Variants in IKBKE observed in about 807,000 individuals in gnomAD.
The protein encoded by IKBKE is inhibitor of nuclear factor kappa-B kinase subunit epsilon.
Under a neutral mutation model 92.1 loss-of-function variants are expected in IKBKE, and 45 were observed. The ratio of observed to expected loss-of-function variants is 0.49; its 90% CI spans 0.38 to 0.63. IKBKE has a LOEUF of 0.63. Ranked by LOEUF, IKBKE falls within the 20% of genes least tolerant of loss-of-function variation. The pLI is 0.00. For missense variants in IKBKE, 700 were observed against 932.8 expected, an observed-to-expected ratio of 0.75 and a Z score of 3.25; for synonymous variants, 374 against 380.3, an observed-to-expected ratio of 0.98 and a Z score of 0.19.
chr1:206,493,032 C>A lies in IKBKE; in HGVS notation c.1845C>A (p.His615Gln). The A allele has an allele frequency of 6.4e-7, 1 of 1,570,530 alleles. No individual in the cohort carries two copies. The highest frequency in any genetic ancestry group is 8.6e-7 in the Non-Finnish European group (1 of 1,157,034). The stretch of plus-strand genomic sequence containing the variant: ...TGTGTGTTCTCTTGAGGGTGGTGCA[C>A]GAGACCAGGAACCACCTGCGCCTGG... The part of the protein sequence containing the change: ...VTHGKRMRVV[H>Q]ETRNHLRLVG... Residue 615 changes from histidine (H) to glutamine (Q), a missense_variant, in exon 19 of 22, where the codon CAC (histidine) becomes CAA (glutamine). Transcript: ENST00000581977.
chr1:206,473,388 A>G, intron 3 of IKBKE, 74 bp downstream of exon 3: 1 of 1,093,568 alleles, frequency 9.1e-7, no homozygotes, highest in Non-Finnish European at 1.4e-6. Flanking sequence ...TGGCCCAGTC[A>G]GCCCCCAGTG....
chr1:206,475,520 A>C (rs1176008408), intron 5 of IKBKE, among the ~76,000 whole-genome samples: 1 of 152,100 alleles, frequency 6.6e-6, no homozygotes, highest in African/African-American at 2.4e-5. Flanking sequence ...GGATCATTTG[A>C]GGTTGGGGGT....
At chr1:206,474,573 G>A in intron 4 of IKBKE, 102 bp downstream of exon 4, 1 of 1,268,538 alleles carries the variant, frequency 7.9e-7, no homozygotes, top group Non-Finnish European at 1.1e-6. Context: ...ATGCTCATCA[G>A]CAGGTCAGAG....
At chr1:206,489,126 A>T (rs1254610221) in intron 16 of IKBKE, among the ~76,000 whole-genome samples, 1 of 151,112 alleles carries the variant, frequency 6.6e-6, no homozygotes, top group African/African-American at 2.4e-5. Flanking sequence ...TGTCGCCTCA[A>T]CCTCCTGGGC....
rs1254666393 is a variant in IKBKE, at chr1:206,490,820, G to T, written c.1695G>T (p.Gly565=). The change falls in exon 17 of 22, where the codon GGG becomes GGT. Residue 565 remains glycine, a splice_region_variant and synonymous_variant. Coordinates refer to ENST00000581977, the MANE Select transcript of IKBKE (RefSeq NM_014002.4). This position sits in a 1 kb window ranked among gnomAD's most constrained non-coding sequence, Gnocchi z 5.2. The stretch of plus-strand genomic sequence containing the variant: ...ATCTGTTCTGTCTGTTTCCTCCAGG[G>T]CTTGGCTACAACGAGGAGCAGATTC... ...KQFKKSRMRP[G]LGYNEEQIHK... 1 of 1,614,044 alleles carries T rather than the reference G, an allele frequency of 6.2e-7. No individual in the cohort carries two copies. Among genetic ancestry groups the T allele is most frequent in the Non-Finnish European group, 8.5e-7 (1 of 1,180,010 alleles).
chr1:206,494,348 A>G (rs1011915808), intron 21 of IKBKE, among the ~76,000 whole-genome samples: 4 of 152,086 alleles, frequency 2.6e-5, no homozygotes, highest in African/African-American at 9.7e-5. Flanking sequence ...TTTCATCCCC[A>G]TGTGCTACCC....
At position 206,485,317 on chromosome 1, in the gene IKBKE, T is replaced by C. The variant is rs782385579; in HGVS notation, c.1616+11T>C. ...ACATGAGGACAGAAGGTCTGTGGGA[T>C]TTTCCTTCTTTGTGGGGTGGGAGTG... On this transcript the variant is annotated intron_variant, in intron 15 of 21. Transcript: ENST00000581977. This position sits in a 1 kb window ranked among gnomAD's most constrained non-coding sequence, Gnocchi z 5.0. 6.4e-7 allele frequency: 1 copy of C among 1,562,326 alleles called. No individual in the cohort carries two copies. The highest frequency in any genetic ancestry group is 1.4e-5 in the African/African-American group (1 of 73,892).
chr1:206,473,447 T>C, intron 3 of IKBKE, 133 bp downstream of exon 3: 1 of 650,482 alleles, frequency 1.5e-6, no homozygotes, highest in South Asian at 2.0e-5. Context: ...TGTAGCACAC[T>C]CATACTGTGG....
chr1:206,473,960 CAAAAAAAAAAAAAAA>C (rs58205740), intron 3 of IKBKE, among the ~76,000 whole-genome samples: 2 of 62,238 alleles, frequency 3.2e-5, no homozygotes, highest in South Asian at 6.4e-4. Context: ...GGCTCCGTCT[CAAAAAAAAAAAAAAA>C]AAAAAAAAAG....
In IKBKE at chr1:206,493,295, T is replaced by C; in HGVS notation, c.1962T>C (p.Leu654=). The change falls in exon 20 of 22, where the codon CTT becomes CTC. Residue 654 remains leucine (L), a synonymous_variant. Transcript: ENST00000581977. ...KLLEELSHQL[L]QDRAKGAQAS... ...TGGAAGAGCTATCTCACCAGCTCCT[T>C]CAGGACCGAGCAAAGGGGGCTCAGG... 6.2e-7 allele frequency: 1 copy of C among 1,614,060 alleles called. No individual in the cohort carries two copies. The highest frequency in any genetic ancestry group is 8.5e-7 in the Non-Finnish European group (1 of 1,180,000).
At chr1:206,477,669 C>A in intron 7 of IKBKE, 80 bp from the exon 8 acceptor site, 1 of 820,638 alleles carries the variant, frequency 1.2e-6, no homozygotes, top group Non-Finnish European at 2.0e-6. Flanking sequence ...ACCTGTGCTC[C>A]GAGCCCTTTG....
At chr1:206,494,094 AC>A in intron 21 of IKBKE, 103 bp downstream of exon 21, 2 of 930,814 alleles carry the variant, frequency 2.1e-6, no homozygotes, top group East Asian at 5.0e-5. Flanking sequence ...GTTTGATGAC[AC>A]GTGTCCATTT....
intron 13 of IKBKE, 37 bp downstream of exon 13, chr1:206,480,570 C>A: frequency 2.0e-6 from 3 of 1,473,984 alleles, no homozygotes; most frequent in Non-Finnish European, 2.8e-6. Context: ...GACCTCTCAG[C>A]CCTGCCTTGT....
intron 2 of IKBKE, chr1:206,472,793 CTA>C (rs1664852250): frequency 4.0e-6 from 1 of 247,992 alleles, no homozygotes; most frequent in Admixed American, 6.2e-5. Flanking sequence ...GCCCTTCCTC[CTA>C]TACTGTTTCT....
rs1438368073 is a variant in IKBKE at position 206,478,347 on chromosome 1, G to A, written c.992+8G>A. On this transcript the variant is annotated splice_region_variant and intron_variant, in intron 9 of 21. Transcript: ENST00000581977. This position sits in a 1 kb window ranked among gnomAD's most constrained non-coding sequence, Gnocchi z 4.8. Reference sequence around the variant, plus strand: ...TATCCATGCCCACAACACGTAAGTGGGGGCGAGGGAGGGAAGCGGTGAGAA... The same window carrying A: ...TATCCATGCCCACAACACGTAAGTGAGGGCGAGGGAGGGAAGCGGTGAGAA... 1.2e-6 allele frequency: 2 copies of A among 1,611,410 alleles called. No homozygotes were observed.
chr1:206,480,672 C>A (rs1553386856), intron 13 of IKBKE, 139 bp downstream of exon 13: 6 of 681,072 alleles, frequency 8.8e-6, no homozygotes, highest in African/African-American at 5.3e-5. Context: ...TAGAGGGCAC[C>A]CGCACCCTAT....
chr1:206,474,264 C>G, intron 3 of IKBKE, 67 bp from the exon 4 acceptor site: 1 of 1,488,912 alleles, frequency 6.7e-7, no homozygotes, highest in East Asian at 2.3e-5. Context: ...AGGGTGGCTG[C>G]TCCCCTGTGG....
Position 206,490,962 on chromosome 1 carries a change from G to C in IKBKE, c.1733+104G>C. 1 of 1,073,218 alleles carries C rather than the reference G, an allele frequency of 9.3e-7. No individual in the cohort carries two copies. Among genetic ancestry groups the C allele is most frequent in the African/African-American group, 1.5e-5 (1 of 64,854 alleles). The allele number at this position is 1,073,218 out of a possible 1,614,324, so 66.5% of individuals were successfully genotyped here. A position where few individuals can be genotyped will look rare whatever the true frequency, so the allele number is the denominator to read the frequency against. ...GAGAGGCAGTGAAGGGCCCTGTCCCGGACTGCAGCTGAGCAGAGTTGGGGA... is the reference window on the plus strand; with the variant it reads ...GAGAGGCAGTGAAGGGCCCTGTCCCCGACTGCAGCTGAGCAGAGTTGGGGA... On this transcript the variant is annotated intron_variant, in intron 17 of 21. Coordinates refer to ENST00000581977, the MANE Select transcript of IKBKE (RefSeq NM_014002.4). The surrounding 1 kb of genome is among the most constrained non-coding windows in gnomAD (Gnocchi z 5.2).
chr1:206,473,282 GC>G lies in IKBKE; in HGVS notation c.57del (p.Thr20LeufsTer18). On this transcript the variant is annotated frameshift_variant, in exon 3 of 22. Coordinates refer to ENST00000581977, the MANE Select transcript of IKBKE (RefSeq NM_014002.4). LOFTEE classifies it high-confidence loss of function. ...WHTDDLLGQG[A>X]TASVYKARNK... The stretch of plus-strand genomic sequence containing the variant: ...CACAGATGACCTGCTGGGGCAGGGG[GC>G]CACTGCCAGTGTGTACAAGGCCCGC... 6.2e-7 allele frequency: 1 copy of G among 1,612,830 alleles called. No individual in the cohort carries two copies. The highest frequency in any genetic ancestry group is 8.5e-7 in the Non-Finnish European group (1 of 1,179,524).
Sources: allele counts gnomAD v4.1 joint callset (sites outside exome capture counted in the v4.1 genomes callset), GRCh38; gene constraint gnomAD v4.1.1; non-coding constraint Gnocchi (gnomAD v3.1); transcripts MANE v1.5; gene names NCBI Gene and HGNC (gene_info 2026-07-23, HGNC 2026-07-21).